Variants in FNIP1 observed in about 807,000 individuals in gnomAD.
FNIP1 encodes the protein folliculin interacting protein 1.
Under a neutral mutation model 124.5 loss-of-function variants are expected in FNIP1, and 40 were observed. The ratio of observed to expected loss-of-function variants is 0.32; its 90% confidence interval spans 0.25 to 0.42. The LOEUF is 0.42. Among genes scored for constraint, FNIP1 ranks in the 10% least tolerant of loss-of-function variants. The probability of loss-of-function intolerance (pLI) is 1.00; values close to 1 mark genes in which losing one functional copy is unlikely to be tolerated. For synonymous variants in FNIP1, 472 were observed against 470.6 expected (o/e 1.00, Z -0.04); for missense variants, 1,176 against 1,403.7 (o/e 0.84, Z 2.59).
intron 1 of FNIP1, chr5:131,795,553 T>A (rs201317519): frequency 2.0e-5 from 3 of 152,162 alleles, no homozygotes; most frequent in Non-Finnish European, 2.9e-5. Context: ...TTATCTAACC[T>A]GCACTTTCAT....
At chr5:131,751,739 G>A (rs1283055022) in intron 1 of FNIP1, among the ~76,000 whole-genome samples, 5 of 152,040 alleles carry the variant, frequency 3.3e-5, no homozygotes, top group African/African-American at 1.2e-4. Flanking sequence ...TTAGGTTAAG[G>A]AAAAAAAGCC....
chr5:131,738,729 C>A (rs1403642636), intron 2 of FNIP1, among the ~76,000 whole-genome samples: 3 of 151,848 alleles, frequency 2.0e-5, no homozygotes, highest in Non-Finnish European at 4.4e-5. Context: ...TGGTCTTGAA[C>A]TCCCGACCTC....
intron 2 of FNIP1, among the ~76,000 whole-genome samples, chr5:131,732,469 C>T (rs956974773): frequency 1.3e-5 from 2 of 152,176 alleles, no homozygotes; most frequent in Admixed American, 1.3e-4. Flanking sequence ...TTAGGTCTAA[C>T]ATTTAAGTCT....
In FNIP1 at chr5:131,796,606, GA is replaced by G. The variant is rs1378272649; in HGVS notation, c.92+223del. ...CAGGTCGTAAACAAACCGACGGGAG[GA>G]GGGGGAAGGGGCAACGGCGAGGCGG... On this transcript the variant is annotated intron_variant, in intron 1 of 17. Transcript: ENST00000510461. 8 of 562,070 alleles carry G rather than the reference GA, an allele frequency of 1.4e-5. No individual in the cohort carries two copies. In the East Asian group the frequency reaches 2.5e-4, roughly 18 times the overall value. 34.8% of individuals were successfully genotyped at this position (562,070 alleles called of 1,614,324 possible).
chr5:131,758,249 A>G lies in FNIP1; in HGVS notation c.93-13559T>C, dbSNP rs1771113136. ...CATCAAATGAAAGAAGTGAAGGAGA[A>G]GCAAAACTGACCTACCTAAAGTTGC... On this transcript the variant is annotated intron_variant, in intron 1 of 17. Coordinates refer to ENST00000510461, the MANE Select transcript of FNIP1 (RefSeq NM_133372.3). Among the ~76,000 whole-genome samples, 3 of 152,224 alleles carry G rather than the reference A, an allele frequency of 2.0e-5. No homozygotes were observed. In the South Asian group the frequency reaches 6.2e-4, roughly 32 times the overall value.
chr5:131,766,238 T>C (rs1308417548), intron 1 of FNIP1, among the ~76,000 whole-genome samples: 1 of 151,994 alleles, frequency 6.6e-6, no homozygotes, highest in African/African-American at 2.4e-5. Context: ...GAAAGGGTCT[T>C]GCTATGTGGC....
chr5:131,646,353 T>C (rs537768846), intron 17 of FNIP1, among the ~76,000 whole-genome samples: 3 of 152,302 alleles, frequency 2.0e-5, no homozygotes, highest in South Asian at 2.1e-4. Flanking sequence ...TGCAGGATGA[T>C]AGTAAGAATG....
In FNIP1 at chr5:131,767,365, G is replaced by A. The variant is rs1352865907; in HGVS notation, c.93-22675C>T. Among the ~76,000 whole-genome samples, 3 of 147,702 alleles carry A rather than the reference G, an allele frequency of 2.0e-5. No individual in the cohort carries two copies. The East Asian group carries it at 6.0e-4, about 29-fold the overall frequency. ...AATCGCTTGAACCTGGGAGGCGGAG[G>A]CTGCAGTAAGCCAAGATTGCACCAC... On this transcript the variant is annotated intron_variant, in intron 1 of 17. Coordinates refer to ENST00000510461, the MANE Select transcript of FNIP1 (RefSeq NM_133372.3).
intron 1 of FNIP1, among the ~76,000 whole-genome samples, chr5:131,790,322 T>C (rs1189655033): frequency 6.6e-6 from 1 of 151,486 alleles, no homozygotes; most frequent in Non-Finnish European, 1.5e-5. Context: ...CTACAAAAAA[T>C]AAAAAATTAG....
At position 131,707,278 on chromosome 5, in the gene FNIP1, C is replaced by T. The variant is rs138318249; in HGVS notation, c.779-732G>A. Among the ~76,000 whole-genome samples the T allele has an allele frequency of 5.7e-3, 869 of 152,312 alleles. 12 individuals are homozygous for T. Among genetic ancestry groups the T allele is most frequent in the African/African-American group, 0.02 (844 of 41,564 alleles). On this transcript the variant is annotated intron_variant, in intron 8 of 17. Coordinates refer to ENST00000510461, the MANE Select transcript of FNIP1 (RefSeq NM_133372.3). Reference sequence around the variant, plus strand: ...TAGGAGATTTTCATCAGGCTTTTCCCCACTGGATTTAGAGAGGATAACACT... The same window carrying T: ...TAGGAGATTTTCATCAGGCTTTTCCTCACTGGATTTAGAGAGGATAACACT...
At chr5:131,719,605 T>C (rs1438673018) in intron 3 of FNIP1, among the ~76,000 whole-genome samples, 188 bp from the exon 4 acceptor site, 1 of 152,232 alleles carries the variant, frequency 6.6e-6, no homozygotes, top group African/African-American at 2.4e-5. Flanking sequence ...ACCATGTTGT[T>C]ACACATAAAT....
At chr5:131,669,457 T>TA (rs962065780) in intron 15 of FNIP1, among the ~76,000 whole-genome samples, 1 of 151,748 alleles carries the variant, frequency 6.6e-6, no homozygotes, top group Non-Finnish European at 1.5e-5. Flanking sequence ...CAGCAACACA[T>TA]AAAAAAAATT....
chr5:131,719,546 G>A (rs752441729), intron 3 of FNIP1, 129 bp from the exon 4 acceptor site: 72 of 725,220 alleles, frequency 9.9e-5, no homozygotes, highest in Non-Finnish European at 1.2e-4. Flanking sequence ...CACTGTATAC[G>A]CTGTTCTGCA....
rs1769346656 is a variant in FNIP1, at chr5:131,712,982, AC to A, written c.623-2322del. Among the ~76,000 whole-genome samples the A allele has an allele frequency of 3.3e-5, 5 of 152,234 alleles. No homozygotes were observed. The South Asian group carries it at 8.3e-4, about 25-fold the overall frequency. ...CAGTAATTGATGCTGATTATATTACACTGTAAACTTTTTTCCCATGTAACAC... is the reference window on the plus strand; with the variant it reads ...CAGTAATTGATGCTGATTATATTACATGTAAACTTTTTTCCCATGTAACAC... On this transcript the variant is annotated intron_variant, in intron 6 of 17. Transcript: ENST00000510461.
At chr5:131,791,721 C>T (rs779530652) in intron 1 of FNIP1, among the ~76,000 whole-genome samples, 1 of 152,158 alleles carries the variant, frequency 6.6e-6, no homozygotes, top group Non-Finnish European at 1.5e-5. Context: ...AATATACAGA[C>T]TCTTAAGACT....
At chr5:131,778,696 C>T (rs1192984169) in intron 1 of FNIP1, among the ~76,000 whole-genome samples, 8 of 87,034 alleles carry the variant, frequency 9.2e-5, no homozygotes, top group African/African-American at 3.8e-4. Context: ...CACATGCACA[C>T]GTATGTTTAT....
chr5:131,645,263 A>T (rs1766847039), intron 17 of FNIP1, among the ~76,000 whole-genome samples: 1 of 151,334 alleles, frequency 6.6e-6, no homozygotes, highest in African/African-American at 2.4e-5. Context: ...TTGAGGCTGA[A>T]GTCAGCTATG....
intron 1 of FNIP1, among the ~76,000 whole-genome samples, chr5:131,755,655 C>T (rs1161965803): frequency 1.3e-5 from 2 of 151,964 alleles, no homozygotes; most frequent in African/African-American, 2.4e-5. Flanking sequence ...CAGGGAAGAT[C>T]AGTAAAGACA....
intron 3 of FNIP1, among the ~76,000 whole-genome samples, chr5:131,724,109 T>C (rs1013238377): frequency 2.6e-5 from 4 of 152,248 alleles, no homozygotes; most frequent in South Asian, 2.1e-4. Flanking sequence ...CAGTCTATCA[T>C]TGATGGACAT....
Sources: gnomAD v4.1 joint callset for allele counts (sites outside exome capture counted in the v4.1 genomes callset) on GRCh38, gnomAD v4.1.1 for gene constraint, MANE v1.5 for transcripts, NCBI Gene and HGNC (gene_info 2026-07-23, HGNC 2026-07-21) for gene names.